TBCA: variants seen among roughly 807,000 people sequenced by gnomAD.
The protein encoded by TBCA is tubulin folding cofactor A, also known as tubulin-specific chaperone A.
Under a neutral mutation model 15.8 loss-of-function variants are expected in TBCA, and 6 were observed. The observed-to-expected ratio is 0.38, with a 90% CI of 0.21 to 0.75. The LOEUF (loss-of-function observed/expected upper bound fraction) is 0.75, where lower values mean the gene tolerates loss of function less well. Ranked by LOEUF, TBCA falls within the 30% of genes least tolerant of loss-of-function variation. The probability of loss-of-function intolerance (pLI) is 0.46; values close to 1 mark genes in which losing one functional copy is unlikely to be tolerated. For synonymous variants in TBCA, 32 were observed against 42.3 expected, an observed-to-expected ratio of 0.76 and a Z score of 0.94; for missense variants, 90 against 131.2, an observed-to-expected ratio of 0.69 and a Z score of 1.53.
intron 2 of TBCA, among the ~76,000 whole-genome samples, chr5:77,697,151 G>C (rs1193649451): frequency 6.6e-6 from 1 of 152,048 alleles, no homozygotes; most frequent in Non-Finnish European, 1.5e-5. Flanking sequence ...ACATAAGCTG[G>C]GGATTTCAAT....
At chr5:77,702,048 G>C (rs748606191) in intron 2 of TBCA, among the ~76,000 whole-genome samples, 16 of 152,002 alleles carry the variant, frequency 1.1e-4, no homozygotes, top group Non-Finnish European at 1.3e-4. Flanking sequence ...GAAAGGGTGG[G>C]AATGGGGTGA....
intron 1 of TBCA, among the ~76,000 whole-genome samples, chr5:77,766,247 A>ATT (rs1159364163): frequency 6.6e-6 from 1 of 152,218 alleles, no homozygotes; most frequent in Non-Finnish European, 1.5e-5. Flanking sequence ...ATTCTAGTTA[A>ATT]TTCTAGGTAA....
chr5:77,732,652 GTC>G (rs960163012), intron 1 of TBCA, among the ~76,000 whole-genome samples: 3 of 151,458 alleles, frequency 2.0e-5, no homozygotes, highest in African/African-American at 7.3e-5. Context: ...CTCACTCTGT[GTC>G]TCTTACATTT....
chr5:77,739,992 T>C (rs1407080640), intron 1 of TBCA, among the ~76,000 whole-genome samples: 1 of 152,016 alleles, frequency 6.6e-6, no homozygotes, highest in African/African-American at 2.4e-5. Flanking sequence ...CCCTAGAAAA[T>C]GATGTCAAAG....
chr5:77,720,894 A>G (rs1025323444), intron 1 of TBCA, among the ~76,000 whole-genome samples: 2 of 152,210 alleles, frequency 1.3e-5, no homozygotes, highest in African/African-American at 4.8e-5. Context: ...TAAAGGTAGC[A>G]TCTGAAAGAG....
chr5:77,762,264 T>C (rs1234752848), intron 1 of TBCA, among the ~76,000 whole-genome samples: 1 of 152,240 alleles, frequency 6.6e-6, no homozygotes, highest in East Asian at 1.9e-4. Context: ...AGAATTATTC[T>C]ATTTATAAAC....
chr5:77,727,465 A>G (rs1746655047), intron 1 of TBCA, among the ~76,000 whole-genome samples: 1 of 152,126 alleles, frequency 6.6e-6, no homozygotes, highest in Admixed American at 6.5e-5. Context: ...ATTTCTTTTT[A>G]AAGAGTTATA....
chr5:77,732,591 G>T (rs1746800160), intron 1 of TBCA, among the ~76,000 whole-genome samples: 1 of 151,226 alleles, frequency 6.6e-6, no homozygotes, highest in Non-Finnish European at 1.5e-5. Flanking sequence ...AAGGTTTGTG[G>T]TAATCGTGTG....
intron 2 of TBCA, 37 bp from the exon 3 acceptor site, chr5:77,693,389 C>T (rs981833495): frequency 1.3e-6 from 2 of 1,592,100 alleles, no homozygotes; most frequent in Non-Finnish European, 1.7e-6. Flanking sequence ...TCAAAGATGG[C>T]AGAACTTGTA....
At chr5:77,746,044 T>C (rs1331198610) in intron 1 of TBCA, among the ~76,000 whole-genome samples, 1 of 152,216 alleles carries the variant, frequency 6.6e-6, no homozygotes, top group Admixed American at 6.5e-5. Flanking sequence ...AAAACTTGCA[T>C]AAGAAGAGTA....
chr5:77,747,066 GTC>G (rs1747203206), intron 1 of TBCA, among the ~76,000 whole-genome samples: 1 of 152,026 alleles, frequency 6.6e-6, no homozygotes, highest in Admixed American at 6.6e-5. Flanking sequence ...TGTGGAGGGA[GTC>G]AGCATTAAAA....
intron 2 of TBCA, among the ~76,000 whole-genome samples, chr5:77,699,027 G>A (rs1463810455): frequency 4.4e-5 from 2 of 45,962 alleles, no homozygotes; most frequent in Admixed American, 2.8e-4. Context: ...CCATTTGCAA[G>A]AGCATCAAAA....
chr5:77,738,240 A>C (rs1169050149), intron 1 of TBCA, among the ~76,000 whole-genome samples: 1 of 152,188 alleles, frequency 6.6e-6, no homozygotes, highest in African/African-American at 2.4e-5. Context: ...TAAATTTAGC[A>C]TGTATATTGC....
intron 2 of TBCA, among the ~76,000 whole-genome samples, chr5:77,704,711 C>T (rs1023028283): frequency 6.6e-6 from 1 of 152,070 alleles, no homozygotes; most frequent in Non-Finnish European, 1.5e-5. Context: ...ATAGCTAAGC[C>T]AGGGAAAAGA....
intron 2 of TBCA, among the ~76,000 whole-genome samples, chr5:77,702,547 C>T (rs544438302): frequency 1.3e-5 from 2 of 152,202 alleles, no homozygotes; most frequent in African/African-American, 2.4e-5. Context: ...GGGAGCTTTG[C>T]GATGGAACAG....
chr5:77,776,197 C>A lies in TBCA; in HGVS notation c.53+8G>T. On this transcript the variant is annotated splice_region_variant and intron_variant, in intron 1 of 3. Transcript: ENST00000380377. Reference sequence around the variant, plus strand: ...AGGAGGTGCAGGGCGCCGCTCCCGGCTCCTTACCGCTTCACCACGCCGGTC... The same window carrying A: ...AGGAGGTGCAGGGCGCCGCTCCCGGATCCTTACCGCTTCACCACGCCGGTC... The A allele has an allele frequency of 6.4e-7, 1 of 1,561,772 alleles. No homozygotes were observed. Among genetic ancestry groups the A allele is most frequent in the Non-Finnish European group, 8.7e-7 (1 of 1,154,030 alleles).
intron 1 of TBCA, among the ~76,000 whole-genome samples, chr5:77,753,573 T>A (rs1747405510): frequency 6.6e-6 from 1 of 152,210 alleles, no homozygotes. Context: ...TTCTGAGATA[T>A]CGTGAATAAC....
chr5:77,751,470 C>A (rs919160152), intron 1 of TBCA, among the ~76,000 whole-genome samples: 2 of 152,024 alleles, frequency 1.3e-5, no homozygotes, highest in African/African-American at 4.8e-5. Context: ...TGAGCCACCG[C>A]GCCGGCCAGC....
intron 1 of TBCA, among the ~76,000 whole-genome samples, chr5:77,752,580 C>A (rs574250106): frequency 4.2e-5 from 2 of 47,820 alleles, no homozygotes; most frequent in South Asian, 9.4e-4. Flanking sequence ...GAGACGGAGT[C>A]TCGCTCTGTC....
Sources: gnomAD v4.1 joint callset for allele counts (sites outside exome capture counted in the v4.1 genomes callset) on GRCh38, gnomAD v4.1.1 for gene constraint, MANE v1.5 for transcripts, NCBI Gene and HGNC (gene_info 2026-07-23, HGNC 2026-07-21) for gene names.